The following RPP40 variants were observed in gnomAD, a reference collection of about 807,000 sequenced individuals.
RPP40 encodes ribonuclease P protein subunit p40.
In RPP40, 30 loss-of-function variants were observed where a neutral mutation model predicts 42.5. The observed-to-expected ratio is 0.71, with a 90% CI of 0.53 to 0.96. RPP40 has a LOEUF of 0.96. Ranked by LOEUF, RPP40 falls within the 40% of genes least tolerant of loss-of-function variation. The probability of loss-of-function intolerance (pLI) is 0.00; values close to 1 mark genes in which losing one functional copy is unlikely to be tolerated. For missense variants in RPP40, 426 were observed against 433.5 expected, an observed-to-expected ratio of 0.98 and a Z score of 0.15; for synonymous variants, 173 against 164.0, an observed-to-expected ratio of 1.05 and a Z score of -0.42.
Position 4,995,018 on chromosome 6 carries a change from C to T in RPP40, c.*60G>A. ...CTGAGTGGACACACAGACCTTTTACCATTAAGAAATCTGAAAGCAAGCGTA... is the reference window on the plus strand; with the variant it reads ...CTGAGTGGACACACAGACCTTTTACTATTAAGAAATCTGAAAGCAAGCGTA... On this transcript the variant is annotated 3_prime_UTR_variant, in exon 8 of 8. Transcript: ENST00000380051. 1 of 1,414,318 alleles carries T rather than the reference C, an allele frequency of 7.1e-7. No homozygotes were observed. Among genetic ancestry groups the T allele is most frequent in the Non-Finnish European group, 9.7e-7 (1 of 1,026,978 alleles). 87.6% of individuals were successfully genotyped at this position (1,414,318 alleles called of 1,614,324 possible). A position where few individuals can be genotyped will look rare whatever the true frequency, so the allele number is the denominator to read the frequency against.
At chr6:5,003,562 C>T (rs1033649402) in intron 1 of RPP40, 5 of 230,952 alleles carry the variant, frequency 2.2e-5, no homozygotes, top group South Asian at 1.3e-4. Context: ...CGGCCCTGAA[C>T]CTCGAATCCC....
intron 1 of RPP40, among the ~76,000 whole-genome samples, chr6:5,003,394 G>A (rs1266335744): frequency 1.3e-5 from 2 of 151,138 alleles, no homozygotes; most frequent in African/African-American, 4.9e-5. Flanking sequence ...CCTGGGCCGA[G>A]CCTAGGCAGG....
intron 2 of RPP40, chr6:5,001,076 C>A (rs1224683816): frequency 2.2e-6 from 1 of 457,212 alleles, no homozygotes; most frequent in Non-Finnish European, 4.4e-6. Context: ...AAAAAACTGA[C>A]TCAGAACGGA....
chr6:4,994,398 A>T (rs1467271191), downstream of RPP40, among the ~76,000 whole-genome samples: 1 of 36,456 alleles, frequency 2.7e-5, no homozygotes, highest in Non-Finnish European at 9.1e-5. Context: ...AAGTATAATA[A>T]AAAAAAAATG....
chr6:4,999,806 TAC>T lies in RPP40; in HGVS notation c.433+1_433+2del. 6.6e-7 allele frequency: 1 copy of T among 1,509,132 alleles called. No individual in the cohort carries two copies. Among genetic ancestry groups the T allele is most frequent in the South Asian group, 1.1e-5 (1 of 88,430 alleles). 93.5% of individuals were successfully genotyped at this position (1,509,132 alleles called of 1,614,324 possible). ...AAACAGATGGAACACACATGATACTTACTAAATTTCATAATTTTTCTGCCAGA... is the reference window on the plus strand; with the variant it reads ...AAACAGATGGAACACACATGATACTTTAAATTTCATAATTTTTCTGCCAGA... On this transcript the variant is annotated splice_donor_variant, in intron 4 of 7. Transcript: ENST00000380051. LOFTEE classifies it high-confidence loss of function.
chr6:4,990,000 A>C (rs192130424), downstream of RPP40, among the ~76,000 whole-genome samples: 467 of 152,302 alleles, frequency 3.1e-3, 6 homozygotes, highest in African/African-American at 0.011. Flanking sequence ...GGCATCCCTG[A>C]TTTGTTCCTG....
chr6:5,001,617 T>G lies in RPP40; in HGVS notation c.268+484A>C, dbSNP rs73717796. Among the ~76,000 whole-genome samples the G allele has an allele frequency of 4.0e-3, 604 of 151,982 alleles. 4 individuals carry two copies. Among genetic ancestry groups the G allele is most frequent in the African/African-American group, 0.014 (569 of 41,420 alleles). On this transcript the variant is annotated intron_variant, in intron 2 of 7. Coordinates refer to ENST00000380051, the MANE Select transcript of RPP40 (RefSeq NM_006638.4). ...ACCAGTCCAACCCAGCAGATATGGG[T>G]GGAAATGGGGTGAGTAGAGGAGGGG...
intron 5 of RPP40, among the ~76,000 whole-genome samples, chr6:4,997,655 A>G (rs1360403205): frequency 8.3e-6 from 1 of 120,094 alleles, no homozygotes; most frequent in African/African-American, 2.9e-5. Context: ...TCATCCATCC[A>G]TCCATCCATC....
At chr6:5,000,849 T>C (rs567495238) in intron 2 of RPP40, among the ~76,000 whole-genome samples, 9 of 147,588 alleles carry the variant, frequency 6.1e-5, no homozygotes, top group African/African-American at 2.1e-4. Flanking sequence ...AGACCAAGCA[T>C]GCAGAAGACC....
rs1412004485 is a variant in RPP40 at position 5,000,563 on chromosome 6, C to A, written c.337G>T (p.Gly113Trp). 6.8e-7 allele frequency: 1 copy of A among 1,472,704 alleles called. No individual in the cohort carries two copies. The highest frequency in any genetic ancestry group is 1.2e-5 in the South Asian group (1 of 85,160). 91.2% of individuals were successfully genotyped at this position (1,472,704 alleles called of 1,614,324 possible). A position where few individuals can be genotyped will look rare whatever the true frequency, so the allele number is the denominator to read the frequency against. The change falls in exon 3 of 8, where the codon GGG (glycine) becomes TGG (tryptophan). Residue 113 changes from glycine to tryptophan, a missense_variant and splice_region_variant. Physicochemically the swap from Gly to Trp is radical, Grantham distance 184. Transcript: ENST00000380051. ...EDNTVALLPN[G>W]KLILSLDKDT... ...GAAAGATGAAAAAATAAAGTGTTAC[C>A]ATTTGGTAGCAGGGCAACAGTATTA... is the stretch of plus-strand genomic sequence containing the variant.
intron 2 of RPP40, among the ~76,000 whole-genome samples, chr6:5,000,926 G>A (rs1759536510): frequency 6.6e-6 from 1 of 151,180 alleles, no homozygotes; most frequent in Non-Finnish European, 1.5e-5. Context: ...AGAAGACCAA[G>A]CATGCAGAAG....
chr6:4,999,714 ATTT>A (rs1759493348), intron 4 of RPP40, 92 bp downstream of exon 4: 1 of 741,140 alleles, frequency 1.3e-6, no homozygotes, highest in Non-Finnish European at 2.3e-6. Flanking sequence ...AAAAGGCCAC[ATTT>A]TTTTGAACAA....
At chr6:4,990,798 GT>G (rs1305689763), downstream of RPP40, among the ~76,000 whole-genome samples, 1 of 151,858 alleles carries the variant, frequency 6.6e-6, no homozygotes, top group Non-Finnish European at 1.5e-5. Flanking sequence ...TTCGTTACAT[GT>G]TTTTAAACTG....
At chr6:5,003,697 T>C (rs1759657218) in intron 1 of RPP40, 183 bp downstream of exon 1, 2 of 695,214 alleles carry the variant, frequency 2.9e-6, no homozygotes, top group Non-Finnish European at 4.4e-6. Context: ...TGTAGTCCTG[T>C]AGCCCTGCAA....
intron 3 of RPP40, 48 bp downstream of exon 3, chr6:5,000,515 T>C (rs756417455): frequency 4.9e-6 from 5 of 1,020,416 alleles, no homozygotes; most frequent in African/African-American, 1.7e-5. Context: ...TTTTACAGTA[T>C]GCATTTTTTT....
In RPP40 at chr6:4,995,731, C is replaced by A. The variant is rs574326801; in HGVS notation, c.893+220G>T. On this transcript the variant is annotated intron_variant, in intron 7 of 7. Transcript: ENST00000380051. Reference sequence around the variant, plus strand: ...AGGATGTTGGGCTTAAAAAGGAAAACCTTCAAGACTTAAATCTGACATTTC... The same window carrying A: ...AGGATGTTGGGCTTAAAAAGGAAAAACTTCAAGACTTAAATCTGACATTTC... Among the ~76,000 whole-genome samples the A allele has an allele frequency of 2.0e-5, 3 of 152,240 alleles. No homozygotes were observed. The South Asian group carries it at 6.2e-4, about 32-fold the overall frequency.
chr6:4,992,632 TG>T (rs1759277557), downstream of RPP40, among the ~76,000 whole-genome samples: 3 of 152,204 alleles, frequency 2.0e-5, no homozygotes, highest in Non-Finnish European at 4.4e-5. Context: ...AATTAGGTCA[TG>T]TTTTTTTCAA....
At chr6:4,997,405 G>A (rs1759416375) in intron 5 of RPP40, among the ~76,000 whole-genome samples, 1 of 152,184 alleles carries the variant, frequency 6.6e-6, no homozygotes, top group Non-Finnish European at 1.5e-5. Flanking sequence ...CCTGCCCTTG[G>A]ACAGCAGAAC....
chr6:4,999,739 G>A (rs1484531484), intron 4 of RPP40, 70 bp downstream of exon 4: 3 of 872,406 alleles, frequency 3.4e-6, no homozygotes, highest in South Asian at 1.5e-5. Context: ...GAGATTAGAG[G>A]CAATTCAAAC....
Sources: allele counts gnomAD v4.1 joint callset (sites outside exome capture counted in the v4.1 genomes callset), GRCh38; gene constraint gnomAD v4.1.1; transcripts MANE v1.5; gene names NCBI Gene and HGNC (gene_info 2026-07-23, HGNC 2026-07-21).